The following PCDHGA9 variants were observed in gnomAD, a reference collection of about 807,000 sequenced individuals.
PCDHGA9 encodes protocadherin gamma subfamily A, 9, also known as protocadherin gamma-A9.
In PCDHGA9, 37 loss-of-function variants were observed where a neutral mutation model predicts 62.5. That is an observed-to-expected ratio of 0.59 (90% CI 0.46 to 0.78). The LOEUF is 0.78. Ranked by LOEUF, PCDHGA9 falls within the 30% of genes least tolerant of loss-of-function variation. The probability of loss-of-function intolerance (pLI) is 0.00; values close to 1 mark genes in which losing one functional copy is unlikely to be tolerated. For missense variants in PCDHGA9, 1,138 were observed against 1,166.2 expected (o/e 0.98, Z 0.35); for synonymous variants, 459 against 484.6 (o/e 0.95, Z 0.69).
At position 141,477,284 on chromosome 5, in the gene PCDHGA9, G is replaced by A. The variant is rs751714522; in HGVS notation, c.2425-17523G>A. 5.0e-6 allele frequency: 8 copies of A among 1,614,150 alleles called. No homozygotes were observed. The South Asian group carries it at 6.6e-5, about 13-fold the overall frequency. ...TGGCGAGAACGGGCTGGTGACCTGC[G>A]AAGTTCCACCGGGTCTCCCTTTCAG... On this transcript the variant is annotated intron_variant, in intron 1 of 3. Transcript: ENST00000573521. This position sits in a 1 kb window ranked among gnomAD's most constrained non-coding sequence, Gnocchi z 4.9.
At chr5:141,430,715 A>T in intron 1 of PCDHGA9, 1 of 1,483,384 alleles carries the variant, frequency 6.7e-7, no homozygotes, top group Non-Finnish European at 8.9e-7. Context: ...TCCTGACTTC[A>T]GTGGTTAAGG....
At chr5:141,407,261 C>G (rs1396861077) in intron 1 of PCDHGA9, among the ~76,000 whole-genome samples, 1 of 152,128 alleles carries the variant, frequency 6.6e-6, no homozygotes, top group Non-Finnish European at 1.5e-5. Flanking sequence ...TATTTTTAAC[C>G]ATGCAACAAG....
chr5:141,424,169 A>G (rs542346399), intron 1 of PCDHGA9: 20 of 225,850 alleles, frequency 8.9e-5, no homozygotes, highest in Middle Eastern at 2.3e-3. Context: ...TCATCTATCT[A>G]TCTATACACA....
intron 1 of PCDHGA9, chr5:141,433,015 C>T (rs2154555449): frequency 2.5e-6 from 4 of 1,614,172 alleles, no homozygotes; most frequent in South Asian, 2.2e-5. Flanking sequence ...TCCTGCAGAC[C>T]TATTCCCACG....
intron 1 of PCDHGA9, among the ~76,000 whole-genome samples, chr5:141,488,350 C>G (rs1191478919): frequency 6.6e-6 from 1 of 152,176 alleles, no homozygotes; most frequent in Non-Finnish European, 1.5e-5. Context: ...GAAACAGCCA[C>G]CCTGTGCATC....
At chr5:141,435,172 T>G (rs1406204282) in intron 1 of PCDHGA9, among the ~76,000 whole-genome samples, 1 of 152,198 alleles carries the variant, frequency 6.6e-6, no homozygotes, top group Non-Finnish European at 1.5e-5. Context: ...GAGTGGCTTT[T>G]AACTACACTT....
At chr5:141,407,874 T>C (rs2094995185) in intron 1 of PCDHGA9, 1 of 358,496 alleles carries the variant, frequency 2.8e-6, no homozygotes, top group South Asian at 5.6e-5. Context: ...GAAGAATATA[T>C]ACATTTCGGA....
At chr5:141,422,989 C>T (rs777558098) in intron 1 of PCDHGA9, 1 of 1,614,232 alleles carries the variant, frequency 6.2e-7, no homozygotes, top group African/African-American at 1.3e-5. Flanking sequence ...ACCTGGCTAC[C>T]TGGTGACCAA....
intron 1 of PCDHGA9, among the ~76,000 whole-genome samples, chr5:141,484,723 G>T (rs930331672): frequency 1.3e-5 from 2 of 151,930 alleles, no homozygotes; most frequent in Non-Finnish European, 2.9e-5. Flanking sequence ...AAGGGGCGGG[G>T]TCAGTCGGTG....
chr5:141,451,528 G>C (rs1451101169), intron 1 of PCDHGA9, among the ~76,000 whole-genome samples: 8 of 152,210 alleles, frequency 5.3e-5, no homozygotes. Flanking sequence ...AAGTAAAGGA[G>C]AGTGCCAGAG....
At chr5:141,457,500 A>G (rs1483244745) in intron 1 of PCDHGA9, among the ~76,000 whole-genome samples, 1 of 152,244 alleles carries the variant, frequency 6.6e-6, no homozygotes, top group African/African-American at 2.4e-5. Context: ...AAATGTAGGC[A>G]AAAAGCTTAA....
chr5:141,413,262 G>A (rs2095621152), intron 1 of PCDHGA9: 2 of 1,613,960 alleles, frequency 1.2e-6, no homozygotes, highest in South Asian at 1.1e-5. Context: ...TTCCATGGGA[G>A]GCTGGAGCCC....
chr5:141,459,084 A>T (rs2098960410), intron 1 of PCDHGA9, among the ~76,000 whole-genome samples: 2 of 152,204 alleles, frequency 1.3e-5, no homozygotes, highest in Non-Finnish European at 2.9e-5. Flanking sequence ...TGCCTTTTAA[A>T]ATTATACAGT....
chr5:141,457,058 T>A (rs756862311), intron 1 of PCDHGA9, among the ~76,000 whole-genome samples: 2 of 152,230 alleles, frequency 1.3e-5, no homozygotes, highest in Non-Finnish European at 2.9e-5. Flanking sequence ...TCATGCTTCC[T>A]TTTTGCCAGT....
chr5:141,504,242 GTTC>G (rs903218038), intron 2 of PCDHGA9, among the ~76,000 whole-genome samples: 25 of 152,170 alleles, frequency 1.6e-4, no homozygotes, highest in African/African-American at 5.1e-4. Context: ...GAAGCAGAGA[GTTC>G]TTCTTATGGT....
chr5:141,410,245 C>T, intron 1 of PCDHGA9: 1 of 1,614,038 alleles, frequency 6.2e-7, no homozygotes. Context: ...GCCCTGTACT[C>T]TCTGACCCCC....
In PCDHGA9 at chr5:141,404,934, C is replaced by A; in HGVS notation, c.1982C>A (p.Thr661Lys). 5.6e-6 allele frequency: 9 copies of A among 1,613,986 alleles called. No homozygotes were observed. The highest frequency in any genetic ancestry group is 6.8e-6 in the Non-Finnish European group (8 of 1,179,900). ...QPPLSATVTLTVAIADSIPDI... is the reference protein window; with the variant it reads ...QPPLSATVTLKVAIADSIPDI... ...CCTCTCTCGGCCACTGTCACGCTCA[C>A]AGTAGCCATAGCTGACAGCATCCCA... The change falls in exon 1 of 4, where the codon ACA becomes AAA. Residue 661 changes from threonine to lysine, a missense_variant. Coordinates refer to ENST00000573521, the MANE Select transcript of PCDHGA9 (RefSeq NM_018921.3).
chr5:141,408,575 G>A (rs1300122367), intron 1 of PCDHGA9: 4 of 1,613,918 alleles, frequency 2.5e-6, no homozygotes, highest in East Asian at 2.2e-5. Context: ...GGTGATTGAG[G>A]ATGTTAATGA....
At position 141,486,002 on chromosome 5, in the gene PCDHGA9, G is replaced by A. The variant is rs372373315; in HGVS notation, c.2425-8805G>A. ...CCCGGACCTGGGTCCCAGTGGTAAC[G>A]TCACCTTTTATTTCAGTGGTCATAC... On this transcript the variant is annotated intron_variant, in intron 1 of 3. Coordinates refer to ENST00000573521, the MANE Select transcript of PCDHGA9 (RefSeq NM_018921.3). The surrounding 1 kb of genome is among the most constrained non-coding windows in gnomAD (Gnocchi z 5.0). 2.0e-5 allele frequency: 33 copies of A among 1,614,030 alleles called. No homozygotes were observed. The highest frequency in any genetic ancestry group is 2.8e-5 in the Non-Finnish European group (33 of 1,180,014).
Sources: allele counts gnomAD v4.1 joint callset (sites outside exome capture counted in the v4.1 genomes callset), GRCh38; gene constraint gnomAD v4.1.1; non-coding constraint Gnocchi (gnomAD v3.1); transcripts MANE v1.5; gene names NCBI Gene and HGNC (gene_info 2026-07-23, HGNC 2026-07-21).